HOMER2: variants seen among roughly 807,000 people sequenced by gnomAD.
HOMER2 encodes homer protein homolog 2.
A neutral mutation model predicts 47.0 loss-of-function variants in HOMER2; 27 were observed. The observed-to-expected ratio is 0.57, with a 90% CI of 0.42 to 0.79. The LOEUF (loss-of-function observed/expected upper bound fraction) is 0.79, where lower values mean the gene tolerates loss of function less well. HOMER2 is among the 30% of genes least tolerant of loss of function. The probability of loss-of-function intolerance (pLI) is 0.00; values close to 1 mark genes in which losing one functional copy is unlikely to be tolerated. For missense variants in HOMER2, 443 were observed against 435.0 expected, an observed-to-expected ratio of 1.02 and a Z score of -0.16; for synonymous variants, 161 against 163.8, an observed-to-expected ratio of 0.98 and a Z score of 0.13.
At chr15:82,891,060 G>A (rs1355686314) in intron 2 of HOMER2, among the ~76,000 whole-genome samples, 2 of 152,216 alleles carry the variant, frequency 1.3e-5, no homozygotes, top group Non-Finnish European at 1.5e-5. Context: ...CTGGGGATGC[G>A]CTATCATCCT....
intron 1 of HOMER2, among the ~76,000 whole-genome samples, chr15:82,984,480 T>C (rs2030519234): frequency 6.6e-6 from 1 of 152,246 alleles, no homozygotes; most frequent in African/African-American, 2.4e-5. Context: ...CATAGTTCTA[T>C]CATTCATTCC....
chr15:82,932,535 G>A (rs952125220), intron 1 of HOMER2, among the ~76,000 whole-genome samples: 1 of 151,824 alleles, frequency 6.6e-6, no homozygotes, highest in African/African-American at 2.4e-5. Flanking sequence ...AAAAAGACCT[G>A]GGGAAGAGCT....
intron 1 of HOMER2, chr15:82,898,426 C>G (rs1457784974): frequency 2.6e-5 from 4 of 152,226 alleles, no homozygotes; most frequent in Admixed American, 2.6e-4. Flanking sequence ...CTTTGATGTT[C>G]AATGTTCAGA....
chr15:82,859,446 G>A (rs2051701772), intron 4 of HOMER2, among the ~76,000 whole-genome samples: 1 of 152,174 alleles, frequency 6.6e-6, no homozygotes, highest in African/African-American at 2.4e-5. Context: ...ACCTGGGCCA[G>A]TGCTCAGAGC....
intron 6 of HOMER2, 97 bp downstream of exon 6, chr15:82,854,547 G>C (rs1322827899): frequency 7.5e-7 from 1 of 1,340,086 alleles, no homozygotes; most frequent in African/African-American, 1.4e-5. Context: ...TGGGGATAAG[G>C]GCAAAGTTGG....
downstream of HOMER2, chr15:82,845,754 CAT>C (rs1356771137): frequency 6.6e-6 from 1 of 152,222 alleles, no homozygotes; most frequent in Non-Finnish European, 1.5e-5. Context: ...CACCTGGCCA[CAT>C]GTGAGGTCCC....
chr15:82,836,779 C>T (rs1415485444), downstream of HOMER2, among the ~76,000 whole-genome samples: 1 of 152,320 alleles, frequency 6.6e-6, no homozygotes, highest in African/African-American at 2.4e-5. Context: ...CAGGTGGTAA[C>T]GGCAGCCAGA....
At chr15:82,854,278 G>A (rs973649401) in intron 6 of HOMER2, among the ~76,000 whole-genome samples, 9 of 152,154 alleles carry the variant, frequency 5.9e-5, no homozygotes, top group South Asian at 4.2e-4. Context: ...GGTGGCAGGC[G>A]CCTCTAATCC....
chr15:82,946,719 T>C (rs1679243571), intron 1 of HOMER2, among the ~76,000 whole-genome samples: 2 of 152,120 alleles, frequency 1.3e-5, no homozygotes, highest in African/African-American at 2.4e-5. Flanking sequence ...ACAAAGAAAG[T>C]CAACCAAAAG....
chr15:82,881,922 C>G (rs1056864915), intron 2 of HOMER2, among the ~76,000 whole-genome samples: 3 of 152,222 alleles, frequency 2.0e-5, no homozygotes, highest in Non-Finnish European at 4.4e-5. Context: ...TCAGGCAAGT[C>G]TTGTCCACAG....
At chr15:82,967,702 C>A (rs2054687528) in intron 1 of HOMER2, among the ~76,000 whole-genome samples, 1 of 152,120 alleles carries the variant, frequency 6.6e-6, no homozygotes, top group Admixed American at 6.5e-5. Flanking sequence ...GGTGAAACCC[C>A]ACCTCTACTA....
At chr15:82,879,981 A>C (rs2052470109) in intron 2 of HOMER2, among the ~76,000 whole-genome samples, 1 of 150,726 alleles carries the variant, frequency 6.6e-6, no homozygotes. Context: ...AAAATTTAAC[A>C]TTAAAAAAAA....
At chr15:82,930,918 T>TG (rs11298630) in intron 1 of HOMER2, among the ~76,000 whole-genome samples, 10 of 151,770 alleles carry the variant, frequency 6.6e-5, no homozygotes, top group African/African-American at 2.2e-4. Flanking sequence ...CCCAGCTACT[T>TG]GGGGGGGCTG....
rs541391002 is a variant in HOMER2 at position 82,909,346 on chromosome 15, C to T, written c.6-16505G>A. Among the ~76,000 whole-genome samples, 35 of 152,318 alleles carry T rather than the reference C, an allele frequency of 2.3e-4. No individual in the cohort carries two copies. The East Asian group carries it at 4.2e-3, about 18-fold the overall frequency. On this transcript the variant is annotated intron_variant, in intron 1 of 8. Coordinates refer to ENST00000450735, the MANE Select transcript of HOMER2 (RefSeq NM_004839.4). ...GAGGGGAAAGGGGTCTTCTTCCTAA[C>T]GCAGTTAGTCCCTACTGCTGTGTCT... is the stretch of plus-strand genomic sequence containing the variant.
At chr15:82,855,723 C>T (rs938817686) in intron 5 of HOMER2, among the ~76,000 whole-genome samples, 4 of 152,306 alleles carry the variant, frequency 2.6e-5, no homozygotes, top group East Asian at 1.9e-4. Context: ...CATATCCCCC[C>T]GGGGTGTGAG....
intron 1 of HOMER2, among the ~76,000 whole-genome samples, chr15:82,974,138 C>G (rs2030113191): frequency 6.6e-6 from 1 of 152,052 alleles, no homozygotes; most frequent in South Asian, 2.1e-4. Flanking sequence ...GCCGTGGTAG[C>G]TCACACCTGT....
intron 1 of HOMER2, among the ~76,000 whole-genome samples, chr15:82,942,193 T>C (rs566483941): frequency 6.6e-6 from 1 of 152,246 alleles, no homozygotes; most frequent in South Asian, 2.1e-4. Context: ...GCTTATTTCA[T>C]TGCCCTAATT....
intron 1 of HOMER2, among the ~76,000 whole-genome samples, chr15:82,964,210 T>G (rs2054654004): frequency 1.3e-5 from 2 of 152,246 alleles, no homozygotes; most frequent in Non-Finnish European, 2.9e-5. Flanking sequence ...GGGGCCCTCC[T>G]GATACAGGCT....
chr15:82,881,338 G>A (rs983631054), intron 2 of HOMER2, among the ~76,000 whole-genome samples: 11 of 152,164 alleles, frequency 7.2e-5, no homozygotes, highest in Non-Finnish European at 1.6e-4. Flanking sequence ...AAACAGGCAG[G>A]GGGAGACAGG....
Sources: allele counts gnomAD v4.1 joint callset (sites outside exome capture counted in the v4.1 genomes callset), GRCh38; gene constraint gnomAD v4.1.1; transcripts MANE v1.5; gene names NCBI Gene and HGNC (gene_info 2026-07-23, HGNC 2026-07-21).